CRYZ: variants seen among roughly 807,000 people sequenced by gnomAD.
CRYZ encodes zeta-crystallin.
In CRYZ, 35 loss-of-function variants were observed where a neutral mutation model predicts 34.1. That is an observed-to-expected ratio of 1.03 (90% CI 0.78 to 1.36). The LOEUF is 1.36. CRYZ is among the 40% of genes most tolerant of loss of function. CRYZ has a pLI of 0.00. For synonymous variants in CRYZ, 137 were observed against 136.5 expected, an observed-to-expected ratio of 1.00 and a Z score of -0.03; for missense variants, 403 against 391.8, an observed-to-expected ratio of 1.03 and a Z score of -0.24.
chr1:74,707,833 A>C (rs1646950601), intron 6 of CRYZ: 1 of 152,246 alleles, frequency 6.6e-6, no homozygotes, highest in Non-Finnish European at 1.5e-5. Flanking sequence ...CAGGAATACA[A>C]ATACAAACAT....
intron 3 of CRYZ, among the ~76,000 whole-genome samples, chr1:74,721,059 G>A (rs570413214): frequency 6.6e-6 from 1 of 152,256 alleles, no homozygotes; most frequent in African/African-American, 2.4e-5. Context: ...CTAGAATGGG[G>A]AAGAGTCATT....
intron 6 of CRYZ, 182 bp from the exon 7 acceptor site, chr1:74,707,386 C>T (rs1646944984): frequency 4.2e-6 from 2 of 472,946 alleles, no homozygotes; most frequent in East Asian, 3.8e-5. Flanking sequence ...TCCAAGGTAC[C>T]AGCCAGAACA....
intron 1 of CRYZ, 120 bp from the exon 2 acceptor site, chr1:74,724,954 AC>A: frequency 1.7e-6 from 1 of 579,788 alleles, no homozygotes. Flanking sequence ...TCATGAGCTT[AC>A]CACTGATCTC....
intron 5 of CRYZ, among the ~76,000 whole-genome samples, chr1:74,710,962 A>G (rs1646993945): frequency 6.6e-6 from 1 of 152,230 alleles, no homozygotes; most frequent in South Asian, 2.1e-4. Flanking sequence ...TTAGGTCATC[A>G]GGAAGAGCCA....
chr1:74,720,577 A>G (rs1250014460), intron 3 of CRYZ, among the ~76,000 whole-genome samples: 1 of 152,208 alleles, frequency 6.6e-6, no homozygotes, highest in East Asian at 1.9e-4. Context: ...ATGATTGCTC[A>G]GTATACTTTA....
At chr1:74,710,833 T>C (rs114421767) in intron 5 of CRYZ, among the ~76,000 whole-genome samples, 549 of 152,304 alleles carry the variant, frequency 3.6e-3, no homozygotes, top group African/African-American at 5.5e-3. Flanking sequence ...AATAAACTTA[T>C]ATTCTAAGGG....
intron 3 of CRYZ, among the ~76,000 whole-genome samples, chr1:74,721,552 T>G (rs1392143762): frequency 6.6e-6 from 1 of 152,176 alleles, no homozygotes; most frequent in Non-Finnish European, 1.5e-5. Flanking sequence ...TAAGGATGAA[T>G]TCCAGGGAAA....
chr1:74,726,654 C>T (rs28796647), intron 1 of CRYZ, among the ~76,000 whole-genome samples: 7 of 152,144 alleles, frequency 4.6e-5, no homozygotes, highest in East Asian at 1.9e-4. Flanking sequence ...CAAGTTTCTG[C>T]GGCTGGCTTG....
intron 5 of CRYZ, among the ~76,000 whole-genome samples, chr1:74,710,616 C>T (rs1646988880): frequency 6.6e-6 from 1 of 152,200 alleles, no homozygotes; most frequent in Non-Finnish European, 1.5e-5. Flanking sequence ...GAGTTTTTAA[C>T]CACTGCATCA....
intron 6 of CRYZ, among the ~76,000 whole-genome samples, chr1:74,709,881 T>G (rs1029412628): frequency 3.3e-5 from 5 of 152,218 alleles, no homozygotes; most frequent in Non-Finnish European, 7.3e-5. Flanking sequence ...AGCTATATTC[T>G]ATTTAATACA....
intron 8 of CRYZ, 56 bp downstream of exon 8, chr1:74,706,843 T>G: frequency 7.1e-7 from 1 of 1,412,362 alleles, no homozygotes. Flanking sequence ...CTTGCCTGAG[T>G]AGGCAAACTG....
At chr1:74,713,645 T>C (rs1432527371) in intron 5 of CRYZ, among the ~76,000 whole-genome samples, 1 of 152,200 alleles carries the variant, frequency 6.6e-6, no homozygotes, top group Non-Finnish European at 1.5e-5. Context: ...ACCTGGGCAC[T>C]TTTAAAGGTA....
chr1:74,706,864 T>G, intron 8 of CRYZ, 35 bp downstream of exon 8: 1 of 1,571,626 alleles, frequency 6.4e-7, no homozygotes, highest in South Asian at 1.1e-5. Flanking sequence ...TACCAATGTT[T>G]AAGTTACCAA....
rs534182818 is a variant in CRYZ at position 74,706,177 on chromosome 1, A to G, written c.*119T>C. The G allele has an allele frequency of 1.1e-6, 1 of 902,624 alleles. No individual in the cohort carries two copies. 55.9% of individuals were successfully genotyped at this position (902,624 alleles called of 1,614,324 possible). On this transcript the variant is annotated 3_prime_UTR_variant, in exon 9 of 9. Transcript: ENST00000340866. ...CTTCTGCTCTCTAAAGAAAAATCTT[A>G]TTTTTTCACATAAGAAGCTCATGGA...
chr1:74,726,313 G>A (rs1647336604), intron 1 of CRYZ, among the ~76,000 whole-genome samples: 1 of 152,240 alleles, frequency 6.6e-6, no homozygotes. Context: ...CTGAAATCTA[G>A]GTGGAAGTTC....
intron 5 of CRYZ, among the ~76,000 whole-genome samples, chr1:74,713,440 A>G (rs1291407808): frequency 6.6e-6 from 1 of 152,180 alleles, no homozygotes; most frequent in Non-Finnish European, 1.5e-5. Context: ...CAGTGAAGTT[A>G]AACAGTGGGA....
rs1287030187 is a variant in CRYZ at position 74,723,260 on chromosome 1, T to C, written c.122A>G (p.Lys41Arg). Residue 41 changes from lysine to arginine, a missense_variant, in exon 3 of 9, where the codon AAG (lysine) becomes AGG (arginine). Physicochemically the swap from Lys to Arg is conservative, Grantham distance 26. Coordinates refer to ENST00000340866, the MANE Select transcript of CRYZ (RefSeq NM_001889.4). ...PIPKDHQVLI[K>R]VHACGVNPVE... ...GGGGTTGACACCACATGCATGGACCTTGATTAGAACCTGCAATGACAATGT... is the reference window on the plus strand; with the variant it reads ...GGGGTTGACACCACATGCATGGACCCTGATTAGAACCTGCAATGACAATGT... 6.2e-7 allele frequency: 1 copy of C among 1,605,664 alleles called. No individual in the cohort carries two copies. Among genetic ancestry groups the C allele is most frequent in the Admixed American group, 1.7e-5 (1 of 57,338 alleles).
At chr1:74,725,990 C>T (rs1387366106) in intron 1 of CRYZ, among the ~76,000 whole-genome samples, 2 of 152,228 alleles carry the variant, frequency 1.3e-5, no homozygotes, top group Admixed American at 6.5e-5. Context: ...GTTCCCATGG[C>T]CTTGGGCAGC....
intron 4 of CRYZ, among the ~76,000 whole-genome samples, chr1:74,716,338 GTTGT>G (rs1345995144): frequency 6.6e-6 from 1 of 152,070 alleles, no homozygotes; most frequent in Non-Finnish European, 1.5e-5. Context: ...CACACATCCC[GTTGT>G]TTGTTTCTCT....
Sources: allele counts gnomAD v4.1 joint callset (sites outside exome capture counted in the v4.1 genomes callset), GRCh38; gene constraint gnomAD v4.1.1; transcripts MANE v1.5; gene names NCBI Gene and HGNC (gene_info 2026-07-23, HGNC 2026-07-21).